Variants in ADAMTSL1 observed in about 807,000 individuals in gnomAD.
ADAMTSL1 encodes ADAMTS like 1.
A neutral mutation model predicts 201.8 loss-of-function variants in ADAMTSL1; 126 were observed. The observed-to-expected ratio is 0.62, with a 90% CI of 0.54 to 0.72. The LOEUF (loss-of-function observed/expected upper bound fraction) is 0.72. ADAMTSL1 is among the 30% of genes least tolerant of loss of function. ADAMTSL1 has a pLI of 0.00. For missense variants in ADAMTSL1, 2,679 were observed against 2,277.8 expected (o/e 1.18, Z -3.59); for synonymous variants, 1,121 against 903.4 (o/e 1.24, Z -4.32).
chr9:18,429,014 T>C (rs1241956641), intron 2 of ADAMTSL1, among the ~76,000 whole-genome samples: 1 of 152,252 alleles, frequency 6.6e-6, no homozygotes, highest in Non-Finnish European at 1.5e-5. Flanking sequence ...CAATGATTTA[T>C]CAATGAGTTT....
chr9:17,962,155 G>T (rs1381652755), intron 1 of ADAMTSL1, among the ~76,000 whole-genome samples: 1 of 152,144 alleles, frequency 6.6e-6, no homozygotes, highest in Non-Finnish European at 1.5e-5. Context: ...ACTACGTCTT[G>T]ACCTTCCCTC....
chr9:18,233,716 GAGA>G (rs1237926451), intron 2 of ADAMTSL1, among the ~76,000 whole-genome samples: 1 of 152,194 alleles, frequency 6.6e-6, no homozygotes, highest in African/African-American at 2.4e-5. Context: ...CCTAAAGGCT[GAGA>G]AGAAGCCAGC....
intron 1 of ADAMTSL1, among the ~76,000 whole-genome samples, chr9:18,094,316 A>C (rs186057063): frequency 6.6e-6 from 1 of 152,302 alleles, no homozygotes; most frequent in East Asian, 1.9e-4. Context: ...AGTCGGCTTT[A>C]TCTGCCTCTA....
chr9:17,950,365 A>C (rs1296784783), intron 1 of ADAMTSL1, among the ~76,000 whole-genome samples: 1 of 152,080 alleles, frequency 6.6e-6, no homozygotes, highest in Non-Finnish European at 1.5e-5. Flanking sequence ...TTTTATTTAA[A>C]AATTAAAGAT....
chr9:18,355,595 G>C (rs1160839622), intron 2 of ADAMTSL1, among the ~76,000 whole-genome samples: 1 of 152,154 alleles, frequency 6.6e-6, no homozygotes, highest in Non-Finnish European at 1.5e-5. Context: ...TTCTGTTTCA[G>C]ACTAGTCCAT....
chr9:18,188,427 A>G (rs1325286548), intron 2 of ADAMTSL1, among the ~76,000 whole-genome samples: 2 of 152,150 alleles, frequency 1.3e-5, no homozygotes, highest in Admixed American at 1.3e-4. Flanking sequence ...AACATGAACT[A>G]TGCAAGTGAC....
At chr9:18,567,396 G>T (rs1176713413) in intron 3 of ADAMTSL1, among the ~76,000 whole-genome samples, 2 of 152,134 alleles carry the variant, frequency 1.3e-5, no homozygotes, top group African/African-American at 4.8e-5. Flanking sequence ...AACCCAGGCA[G>T]TAGAAGTTGC....
At chr9:18,898,361 T>G (rs1829789983) in intron 26 of ADAMTSL1, among the ~76,000 whole-genome samples, 1 of 151,926 alleles carries the variant, frequency 6.6e-6, no homozygotes, top group Non-Finnish European at 1.5e-5. Context: ...ACACGAGAAA[T>G]TCACAATGCA....
rs1363652167 is a variant in ADAMTSL1 at position 17,912,031 on chromosome 9, C to G, written c.87+5109C>G. The stretch of plus-strand genomic sequence containing the variant: ...GACATGAACTCATCATTTTTTATGG[C>G]TGCATAGTATTCCATGGTGTATATG... On this transcript the variant is annotated intron_variant, in intron 1 of 29. Coordinates refer to the ADAMTSL1 transcript ENST00000680146. Among the ~76,000 whole-genome samples the G allele has an allele frequency of 2.3e-4, 13 of 55,880 alleles. 2 individuals are homozygous for G. Among genetic ancestry groups the G allele is most frequent in the African/African-American group, 4.3e-4 (13 of 30,392 alleles). The allele number at this position is 55,880 out of a possible 152,430, so 36.7% of individuals were successfully genotyped here. A position where few individuals can be genotyped will look rare whatever the true frequency, so the allele number is the denominator to read the frequency against.
At chr9:18,041,880 C>T (rs1053260046) in intron 1 of ADAMTSL1, among the ~76,000 whole-genome samples, 6 of 152,108 alleles carry the variant, frequency 3.9e-5, no homozygotes, top group Admixed American at 3.9e-4. Flanking sequence ...GCTATTCATA[C>T]ATCTGATTTT....
intron 15 of ADAMTSL1, among the ~76,000 whole-genome samples, chr9:18,725,399 C>A (rs1817818041): frequency 6.6e-6 from 1 of 152,190 alleles, no homozygotes; most frequent in African/African-American, 2.4e-5. Flanking sequence ...CCCTTCACAA[C>A]TTTGCCTAAG....
chr9:18,073,275 G>T (rs374018936), intron 1 of ADAMTSL1, among the ~76,000 whole-genome samples: 2 of 152,148 alleles, frequency 1.3e-5, no homozygotes. Flanking sequence ...TGAGGAGAAG[G>T]CTGTGTGGAG....
chr9:18,802,797 G>GA (rs1822882564), intron 20 of ADAMTSL1, among the ~76,000 whole-genome samples: 1 of 152,208 alleles, frequency 6.6e-6, no homozygotes, highest in Non-Finnish European at 1.5e-5. Context: ...ATGTTTCAAA[G>GA]AGACTGCACC....
intron 16 of ADAMTSL1, among the ~76,000 whole-genome samples, chr9:18,758,495 T>A (rs1443682423): frequency 6.6e-6 from 1 of 152,208 alleles, no homozygotes; most frequent in African/African-American, 2.4e-5. Flanking sequence ...CAGGCCTGCG[T>A]GCCCTCTGGA....
intron 15 of ADAMTSL1, among the ~76,000 whole-genome samples, chr9:18,749,423 C>G (rs776591178): frequency 2.6e-5 from 4 of 151,982 alleles, no homozygotes; most frequent in Admixed American, 6.6e-5. Flanking sequence ...TGAATAAAAG[C>G]CAAGCAAAGA....
chr9:18,564,034 C>T (rs1214808112), intron 3 of ADAMTSL1, among the ~76,000 whole-genome samples: 1 of 152,170 alleles, frequency 6.6e-6, no homozygotes, highest in Non-Finnish European at 1.5e-5. Context: ...TTCTGTCATG[C>T]TGATATTCCA....
intron 9 of ADAMTSL1, among the ~76,000 whole-genome samples, chr9:18,665,949 T>C (rs1327595856): frequency 6.6e-6 from 1 of 152,176 alleles, no homozygotes; most frequent in African/African-American, 2.4e-5. Context: ...CTGTTAATGC[T>C]TTTGCTATAT....
intron 1 of ADAMTSL1, among the ~76,000 whole-genome samples, chr9:17,990,947 A>G (rs979185881): frequency 2.0e-5 from 3 of 152,156 alleles, no homozygotes; most frequent in African/African-American, 7.2e-5. Context: ...GAATTCTTTT[A>G]TCGAATCTCA....
At chr9:17,932,430 A>G (rs1207489813) in intron 1 of ADAMTSL1, among the ~76,000 whole-genome samples, 1 of 152,198 alleles carries the variant, frequency 6.6e-6, no homozygotes, top group East Asian at 1.9e-4. Context: ...TTGAGTGGCT[A>G]GCCAGTACAT....
Sources: allele counts gnomAD v4.1 joint callset (sites outside exome capture counted in the v4.1 genomes callset), GRCh38; gene constraint gnomAD v4.1.1; transcripts MANE v1.5; gene names NCBI Gene and HGNC (gene_info 2026-07-23, HGNC 2026-07-21).